Variants in LARP4B observed in about 807,000 individuals in gnomAD.
LARP4B encodes the protein La ribonucleoprotein 4B.
LARP4B carries 12 observed loss-of-function variants against 89.8 expected under a neutral mutation model. That is an observed-to-expected ratio of 0.13 (90% CI 0.09 to 0.22). The LOEUF (loss-of-function observed/expected upper bound fraction) is 0.22. LARP4B is among the 10% of genes least tolerant of loss of function. The pLI is 1.00. For synonymous variants in LARP4B, 367 were observed against 363.3 expected (o/e 1.01, Z -0.12); for missense variants, 757 against 947.7 (o/e 0.80, Z 2.64).
chr10:891,172 CAT>C (rs1000095604), intron 1 of LARP4B, among the ~76,000 whole-genome samples: 1 of 150,562 alleles, frequency 6.6e-6, no homozygotes, highest in African/African-American at 2.4e-5. Flanking sequence ...CAAAAACCAA[CAT>C]GTGATCATGA....
chr10:915,677 G>A (rs1018820684), intron 1 of LARP4B, among the ~76,000 whole-genome samples: 5 of 151,568 alleles, frequency 3.3e-5, no homozygotes, highest in South Asian at 2.1e-4. Context: ...GGTGGTGGGC[G>A]CCTGTAGTCC....
intron 1 of LARP4B, among the ~76,000 whole-genome samples, chr10:918,441 T>C (rs1397648358): frequency 6.6e-6 from 1 of 152,044 alleles, no homozygotes; most frequent in African/African-American, 2.4e-5. Flanking sequence ...GAGACCAGCC[T>C]GTGCAACAAG....
chr10:833,348 GGCATGCCGCCCACGGGCTGAAGAA>G (rs979276183), intron 8 of LARP4B, among the ~76,000 whole-genome samples: 4 of 150,176 alleles, frequency 2.7e-5, no homozygotes, highest in Admixed American at 2.7e-4. Context: ...CGTCCTGGGC[GGCATGCCGCCCACGGGCTGAAGAA>G]GCATGCCCTA....
At chr10:933,432 G>A (rs1009596476), upstream of LARP4B, among the ~76,000 whole-genome samples, 4 of 152,224 alleles carry the variant, frequency 2.6e-5, 1 homozygote, top group South Asian at 6.2e-4. Flanking sequence ...CGTACTCAGC[G>A]TTCAAATGCT....
chr10:891,637 T>C, intron 1 of LARP4B, among the ~76,000 whole-genome samples: 1 of 152,198 alleles, frequency 6.6e-6, no homozygotes, highest in East Asian at 1.9e-4. Flanking sequence ...TTTGTACATT[T>C]GAAATTTTCT....
chr10:987,204 A>C, the LARP4B span: 1 of 152,246 alleles, frequency 6.6e-6, no homozygotes, highest in South Asian at 2.1e-4. Flanking sequence ...TTACCCTAGA[A>C]GCTTCCTTTA....
chr10:876,557 G>A (rs1835460546), intron 3 of LARP4B, among the ~76,000 whole-genome samples: 1 of 152,148 alleles, frequency 6.6e-6, no homozygotes, highest in Non-Finnish European at 1.5e-5. Context: ...AGTGGAACAG[G>A]GTTGGCTCCC....
the LARP4B span, among the ~76,000 whole-genome samples, chr10:969,998 C>T: frequency 1.3e-4 from 20 of 152,134 alleles, no homozygotes; most frequent in Admixed American, 3.3e-4. Flanking sequence ...TGCAGGAGGT[C>T]CCTGGGTGCT....
chr10:943,036 T>G, the LARP4B span, among the ~76,000 whole-genome samples: 1 of 150,416 alleles, frequency 6.6e-6, no homozygotes, highest in Non-Finnish European at 1.5e-5. Flanking sequence ...AGCTTCTGCC[T>G]CCTGGGTTCA....
At chr10:987,770 G>T in the LARP4B span, 2 of 152,240 alleles carry the variant, frequency 1.3e-5, no homozygotes, top group South Asian at 2.1e-4. Context: ...ACTGTCTCTC[G>T]CAACTGTTCC....
At chr10:848,091 C>T (rs1050563034) in intron 5 of LARP4B, among the ~76,000 whole-genome samples, 2 of 152,172 alleles carry the variant, frequency 1.3e-5, no homozygotes, top group African/African-American at 4.8e-5. Context: ...ACCCAAGGCT[C>T]GTGGAAGAAC....
At chr10:954,724 A>G in the LARP4B span, among the ~76,000 whole-genome samples, 511 of 152,122 alleles carry the variant, frequency 3.4e-3, 1 homozygote, top group South Asian at 5.6e-3. The surrounding 1 kb of genome is among the most constrained non-coding windows in gnomAD (Gnocchi z 5.0). Flanking sequence ...CGACACATGC[A>G]TGGCAGATGT....
intron 5 of LARP4B, among the ~76,000 whole-genome samples, chr10:851,923 A>G (rs1020420472): frequency 6.6e-6 from 1 of 152,008 alleles, no homozygotes; most frequent in African/African-American, 2.4e-5. Flanking sequence ...AAAATAAGCC[A>G]GGCGTGGTGG....
intron 11 of LARP4B, among the ~76,000 whole-genome samples, chr10:826,328 C>G (rs577803646): frequency 1.3e-5 from 2 of 152,352 alleles, no homozygotes; most frequent in African/African-American, 4.8e-5. Context: ...CACAGCCTGA[C>G]AGGGCCTTTA....
intron 1 of LARP4B, among the ~76,000 whole-genome samples, chr10:907,121 C>G (rs552405992): frequency 6.6e-6 from 1 of 152,334 alleles, no homozygotes; most frequent in East Asian, 1.9e-4. Context: ...TACAGCATAT[C>G]AAATTATCAT....
intron 12 of LARP4B, 97 bp downstream of exon 12, chr10:825,667 T>A: frequency 1.3e-6 from 1 of 780,460 alleles, no homozygotes; most frequent in Non-Finnish European, 2.1e-6. Context: ...TGGCTCTGTC[T>A]GCGAGGAGCA....
chr10:974,250 T>C, the LARP4B span, among the ~76,000 whole-genome samples: 1 of 152,046 alleles, frequency 6.6e-6, no homozygotes, highest in African/African-American at 2.4e-5. Context: ...AGCAGGTGCT[T>C]TGTCTACATG....
chr10:916,141 T>C (rs80283664), intron 1 of LARP4B, among the ~76,000 whole-genome samples: 87 of 152,316 alleles, frequency 5.7e-4, no homozygotes, highest in African/African-American at 2.0e-3. Context: ...GTTCCAACGT[T>C]ACATGAGATT....
chr10:949,038 G>A, the LARP4B span, among the ~76,000 whole-genome samples: 2 of 152,246 alleles, frequency 1.3e-5, no homozygotes, highest in Non-Finnish European at 1.5e-5. Context: ...TGCCAGGTCC[G>A]ACAGTGGTTG....
Sources: gnomAD v4.1 joint callset for allele counts (sites outside exome capture counted in the v4.1 genomes callset) on GRCh38, gnomAD v4.1.1 for gene constraint, Gnocchi (gnomAD v3.1) non-coding constraint, MANE v1.5 for transcripts, NCBI Gene and HGNC (gene_info 2026-07-23, HGNC 2026-07-21) for gene names.